The following CLEC16A variants were observed in gnomAD, a reference collection of about 807,000 sequenced individuals.
The protein encoded by CLEC16A is C-type lectin domain containing 16A, also known as protein CLEC16A.
A neutral mutation model predicts 109.5 loss-of-function variants in CLEC16A; 51 were observed. The ratio of observed to expected loss-of-function variants is 0.47; its 90% CI spans 0.37 to 0.59. The LOEUF (loss-of-function observed/expected upper bound fraction) is 0.59, where lower values mean the gene tolerates loss of function less well. Among genes scored for constraint, CLEC16A ranks in the 20% least tolerant of loss-of-function variants. The pLI, the probability that CLEC16A is intolerant of heterozygous loss-of-function variation, is 0.00. For missense variants in CLEC16A, 1,339 were observed against 1,394.0 expected, an observed-to-expected ratio of 0.96 and a Z score of 0.63; for synonymous variants, 673 against 564.2, an observed-to-expected ratio of 1.19 and a Z score of -2.73.
intron 22 of CLEC16A, among the ~76,000 whole-genome samples, chr16:11,129,161 G>A (rs994358608): frequency 7.9e-5 from 12 of 151,934 alleles, no homozygotes; most frequent in African/African-American, 2.9e-4. Flanking sequence ...CAGCACCCAC[G>A]TGTTTATCTG....
chr16:11,079,358 GGGCTGAGCT>G (rs1242443453), intron 19 of CLEC16A, among the ~76,000 whole-genome samples: 1 of 152,156 alleles, frequency 6.6e-6, no homozygotes. Context: ...GAAGTTGTTG[GGGCTGAGCT>G]GGCCTCCCCC....
chr16:11,036,616 C>A (rs530056275), intron 13 of CLEC16A, among the ~76,000 whole-genome samples: 1 of 146,870 alleles, frequency 6.8e-6, no homozygotes, highest in South Asian at 2.1e-4. Context: ...GTGGCGCAGT[C>A]TCAGCCCACT....
At chr16:10,958,266 C>A (rs2042085346) in intron 2 of CLEC16A, among the ~76,000 whole-genome samples, 2 of 152,104 alleles carry the variant, frequency 1.3e-5, no homozygotes, top group Non-Finnish European at 2.9e-5. Flanking sequence ...CTGAGGGCTC[C>A]CAGTTACCAT....
At chr16:11,106,896 C>G (rs925674425) in intron 19 of CLEC16A, among the ~76,000 whole-genome samples, 2 of 152,196 alleles carry the variant, frequency 1.3e-5, no homozygotes, top group Non-Finnish European at 2.9e-5. Flanking sequence ...CAACTCCAGG[C>G]ACTTGGCCCA....
chr16:11,068,025 GC>G (rs2048863140), intron 19 of CLEC16A, among the ~76,000 whole-genome samples: 1 of 152,156 alleles, frequency 6.6e-6, no homozygotes, highest in Non-Finnish European at 1.5e-5. Context: ...TCTCCTTCTG[GC>G]TGTTTCCAGG....
intron 19 of CLEC16A, among the ~76,000 whole-genome samples, chr16:11,072,461 A>G (rs183719758): frequency 9.9e-5 from 15 of 152,242 alleles, no homozygotes; most frequent in African/African-American, 2.9e-4. Flanking sequence ...AAAATCTTCA[A>G]AATAAAAAGG....
chr16:11,045,017 C>T lies in CLEC16A; in HGVS notation c.1815+945C>T, dbSNP rs1340102198. Among the ~76,000 whole-genome samples the T allele has an allele frequency of 5.3e-5, 8 of 151,102 alleles. No individual in the cohort carries two copies. In the East Asian group the frequency reaches 7.8e-4, roughly 15 times the overall value. On this transcript the variant is annotated intron_variant, in intron 16 of 23. Transcript: ENST00000409790. ...CCATTTGGGATGCTAAAACAAAACA[C>T]CATAAACTGGGTAGCTTATAAACAA...
rs1461659860 is a variant in CLEC16A at position 11,051,605 on chromosome 16, G to A, written c.1959G>A (p.Lys653=). ...CACTGACGGGCATTGACTTCGTGAA[G>A]CGGCTGCCGTGTGGCGATGTGGAGA... is the stretch of plus-strand genomic sequence containing the variant. ...GTPLTGIDFV[K]RLPCGDVEKT... The change falls in exon 18 of 24, where the codon AAG becomes AAA. Residue 653 remains lysine, a synonymous_variant. Coordinates refer to ENST00000409790, the MANE Select transcript of CLEC16A (RefSeq NM_015226.3). 6.2e-7 allele frequency: 1 copy of A among 1,614,048 alleles called. No individual in the cohort carries two copies. Among genetic ancestry groups the A allele is most frequent in the South Asian group, 1.1e-5 (1 of 91,084 alleles).
chr16:10,977,184 A>C (rs770068514), intron 7 of CLEC16A, 41 bp from the exon 8 acceptor site: 67 of 1,590,428 alleles, frequency 4.2e-5, no homozygotes, highest in Non-Finnish European at 5.5e-5. Context: ...AAAGGCTCCT[A>C]GTGTTGGCCT....
At chr16:11,018,721 C>T (rs2045914048) in intron 11 of CLEC16A, among the ~76,000 whole-genome samples, 1 of 138,562 alleles carries the variant, frequency 7.2e-6, no homozygotes, top group South Asian at 2.2e-4. Flanking sequence ...TGCACTCCAG[C>T]CTGGGCGACA....
At chr16:11,034,412 G>A (rs76895860) in intron 13 of CLEC16A, among the ~76,000 whole-genome samples, 1 of 152,138 alleles carries the variant, frequency 6.6e-6, no homozygotes, top group Non-Finnish European at 1.5e-5. Flanking sequence ...TGCATCTTTG[G>A]TCTGGGTCTT....
At chr16:11,100,382 G>A (rs756086358) in intron 19 of CLEC16A, among the ~76,000 whole-genome samples, 17 of 152,188 alleles carry the variant, frequency 1.1e-4, no homozygotes, top group African/African-American at 3.1e-4. Context: ...TGATGCACAC[G>A]GCCCGGCCAA....
intron 12 of CLEC16A, among the ~76,000 whole-genome samples, chr16:11,023,754 A>T (rs144809148): frequency 6.6e-6 from 1 of 152,138 alleles, no homozygotes; most frequent in East Asian, 1.9e-4. Flanking sequence ...TAGGCATCCA[A>T]TGTTCATTGG....
chr16:11,136,583 T>C (rs551710984), intron 22 of CLEC16A, among the ~76,000 whole-genome samples: 1 of 152,350 alleles, frequency 6.6e-6, no homozygotes, highest in East Asian at 1.9e-4. Context: ...GCAGTAGTCC[T>C]TCTGCTGTCA....
intron 20 of CLEC16A, among the ~76,000 whole-genome samples, chr16:11,122,245 C>T (rs1406298919): frequency 6.6e-6 from 1 of 152,204 alleles, no homozygotes; most frequent in East Asian, 1.9e-4. Context: ...CAGGATCTTT[C>T]TATTGTAAAA....
At chr16:11,172,356 C>T (rs913246548) in intron 23 of CLEC16A, among the ~76,000 whole-genome samples, 4 of 152,220 alleles carry the variant, frequency 2.6e-5, no homozygotes, top group African/African-American at 4.8e-5. Flanking sequence ...AGTGAGATGC[C>T]GATAGGAAAA....
chr16:11,006,864 T>A (rs2045052586), intron 11 of CLEC16A, among the ~76,000 whole-genome samples: 1 of 145,610 alleles, frequency 6.9e-6, no homozygotes, highest in Admixed American at 6.9e-5. Context: ...CTGCCTCAGG[T>A]CCCAAGTAAT....
chr16:11,101,790 TTTTTC>T (rs751458430), intron 19 of CLEC16A, among the ~76,000 whole-genome samples: 50 of 151,996 alleles, frequency 3.3e-4, no homozygotes, highest in South Asian at 8.3e-4. Context: ...CAAGTTCATT[TTTTTC>T]TTTTCTTTTC....
intron 16 of CLEC16A, among the ~76,000 whole-genome samples, chr16:11,044,395 A>T (rs2047521388): frequency 6.6e-6 from 1 of 152,230 alleles, no homozygotes; most frequent in Non-Finnish European, 1.5e-5. Context: ...TAAATAAATT[A>T]TATATGATGC....
Sources: gnomAD v4.1 joint callset for allele counts (sites outside exome capture counted in the v4.1 genomes callset) on GRCh38, gnomAD v4.1.1 for gene constraint, MANE v1.5 for transcripts, NCBI Gene and HGNC (gene_info 2026-07-23, HGNC 2026-07-21) for gene names.